The following UGGT2 variants were observed in gnomAD, a reference collection of about 807,000 sequenced individuals.
UGGT2 encodes UDP-glucose glycoprotein glucosyltransferase 2.
A neutral mutation model predicts 192.1 loss-of-function variants in UGGT2; 180 were observed. That is an observed-to-expected ratio of 0.94 (90% CI 0.83 to 1.06). The LOEUF (loss-of-function observed/expected upper bound fraction) is 1.06. Among genes scored for constraint, UGGT2 ranks in the 50% least tolerant of loss-of-function variants. The pLI is 0.00. For missense variants in UGGT2, 1,849 were observed against 1,795.7 expected (o/e 1.03, Z -0.54); for synonymous variants, 580 against 591.0 (o/e 0.98, Z 0.27).
chr13:96,023,554 T>C (rs2052576900), intron 3 of UGGT2, 75 bp downstream of exon 3: 5 of 1,426,860 alleles, frequency 3.5e-6, no homozygotes, highest in Non-Finnish European at 3.7e-6. Flanking sequence ...GAACTAAAGA[T>C]GTTCATATTA....
chr13:95,998,954 A>G (rs768562063), intron 6 of UGGT2, among the ~76,000 whole-genome samples: 12 of 152,172 alleles, frequency 7.9e-5, no homozygotes, highest in Non-Finnish European at 1.8e-4. Context: ...TGGTGCTGAA[A>G]TGGTTGGGAG....
chr13:95,975,597 T>C (rs1439654798), intron 10 of UGGT2, among the ~76,000 whole-genome samples: 1 of 152,182 alleles, frequency 6.6e-6, no homozygotes, highest in African/African-American at 2.4e-5. Flanking sequence ...TGAAGAAATA[T>C]AAGCTCATTT....
chr13:95,833,709 T>C (rs193035259), intron 37 of UGGT2, among the ~76,000 whole-genome samples: 18 of 152,262 alleles, frequency 1.2e-4, no homozygotes, highest in Admixed American at 9.8e-4. Context: ...TGCTGATATA[T>C]TGGACGTGAG....
At position 95,887,379 on chromosome 13, in the gene UGGT2, A is replaced by G. The variant is rs189525414; in HGVS notation, c.3038+513T>C. 17 of 478,790 alleles carry G rather than the reference A, an allele frequency of 3.6e-5. No individual in the cohort carries two copies. In the East Asian group the frequency reaches 5.9e-4, roughly 17 times the overall value. The allele number at this position is 478,790 out of a possible 1,614,324, so 29.7% of individuals were successfully genotyped here. A position where few individuals can be genotyped will look rare whatever the true frequency, so the allele number is the denominator to read the frequency against. On this transcript the variant is annotated intron_variant, in intron 26 of 38. Transcript: ENST00000376747. ...CTGATCCACAAAGAAGAGAAAGGGT[A>G]TATTTTTGTCCCCTCTTGAGAGAGA...
intron 16 of UGGT2, among the ~76,000 whole-genome samples, chr13:95,938,098 C>T (rs191441405): frequency 1.1e-4 from 16 of 152,310 alleles, no homozygotes; most frequent in Non-Finnish European, 2.2e-4. Context: ...TGCCTTTCAC[C>T]TTCTGCCATG....
chr13:95,828,810 C>A (rs1886333960), intron 38 of UGGT2, among the ~76,000 whole-genome samples: 1 of 152,186 alleles, frequency 6.6e-6, no homozygotes, highest in Admixed American at 6.5e-5. Flanking sequence ...TCCTCCCTAA[C>A]TCAATTTATG....
intron 27 of UGGT2, among the ~76,000 whole-genome samples, chr13:95,882,204 G>A (rs1284095187): frequency 2.6e-5 from 4 of 152,144 alleles, no homozygotes; most frequent in African/African-American, 9.7e-5. Context: ...CACCATGCCC[G>A]GCCTAGCTTT....
At chr13:95,949,513 C>A in intron 12 of UGGT2, 59 bp from the exon 13 acceptor site, 4 of 1,360,248 alleles carry the variant, frequency 2.9e-6, no homozygotes, top group South Asian at 4.4e-5. Context: ...ATTTTCAAAG[C>A]CAGATTTTTA....
intron 29 of UGGT2, among the ~76,000 whole-genome samples, chr13:95,872,771 A>G (rs1338001764): frequency 2.0e-5 from 3 of 152,216 alleles, no homozygotes; most frequent in Non-Finnish European, 4.4e-5. Flanking sequence ...ATCTTTATGA[A>G]CTGTGTATGA....
intron 5 of UGGT2, among the ~76,000 whole-genome samples, chr13:96,003,726 G>C (rs2051880731): frequency 6.6e-6 from 1 of 152,160 alleles, no homozygotes; most frequent in African/African-American, 2.4e-5. Flanking sequence ...ACACAGGTCT[G>C]TCAGAATAAT....
chr13:95,990,129 C>T (rs546213887), intron 7 of UGGT2, 56 bp from the exon 8 acceptor site: 4 of 1,101,266 alleles, frequency 3.6e-6, no homozygotes, highest in Non-Finnish European at 5.1e-6. Context: ...AACCATTATA[C>T]AAACAGCATA....
chr13:95,847,684 G>A (rs1394837679), intron 36 of UGGT2, among the ~76,000 whole-genome samples: 4 of 152,124 alleles, frequency 2.6e-5, no homozygotes, highest in South Asian at 4.2e-4. Context: ...GGATGTACCC[G>A]TTTCTTTACT....
At chr13:95,960,305 G>A (rs951283326) in intron 12 of UGGT2, among the ~76,000 whole-genome samples, 15 of 152,238 alleles carry the variant, frequency 9.9e-5, no homozygotes, top group African/African-American at 3.6e-4. Context: ...AGCTCAGTGA[G>A]CTATAAGAGA....
chr13:95,962,448 GAA>G (rs2050428257), intron 12 of UGGT2, among the ~76,000 whole-genome samples: 1 of 152,018 alleles, frequency 6.6e-6, no homozygotes, highest in African/African-American at 2.4e-5. Flanking sequence ...AACCTTGGAG[GAA>G]ATGGATAAAT....
chr13:96,031,545 G>A (rs1048834939), intron 2 of UGGT2, among the ~76,000 whole-genome samples: 1 of 152,054 alleles, frequency 6.6e-6, no homozygotes, highest in Non-Finnish European at 1.5e-5. Context: ...TCTGACTCCT[G>A]GGCTCAAGCA....
At chr13:95,923,134 C>G (rs1337067520) in intron 20 of UGGT2, among the ~76,000 whole-genome samples, 1 of 152,142 alleles carries the variant, frequency 6.6e-6, no homozygotes, top group African/African-American at 2.4e-5. Context: ...TCACTGTAGT[C>G]TCAAACTCCT....
chr13:95,876,289 A>G (rs980746992), intron 29 of UGGT2, among the ~76,000 whole-genome samples: 1 of 152,236 alleles, frequency 6.6e-6, no homozygotes. Context: ...TCATTAAATG[A>G]TCAAAATATC....
intron 29 of UGGT2, among the ~76,000 whole-genome samples, chr13:95,869,593 C>A (rs1891042255): frequency 6.6e-6 from 1 of 152,156 alleles, no homozygotes. Flanking sequence ...ATACAACCAT[C>A]CTTTGAGGAA....
rs1457473360 is a variant in UGGT2, at chr13:95,928,950, C to T, written c.1978-1614G>A. 3.9e-5 allele frequency among the ~76,000 whole-genome samples: 6 copies of T among 152,274 alleles called. No homozygotes were observed. The East Asian group carries it at 5.8e-4, about 15-fold the overall frequency. ...GACTCCATCTGCAATCCCGGCACCTCGGGAGGCCGGGGCTGGCAGATCACT... is the reference window on the plus strand; with the variant it reads ...GACTCCATCTGCAATCCCGGCACCTTGGGAGGCCGGGGCTGGCAGATCACT... On this transcript the variant is annotated intron_variant, in intron 17 of 38. Transcript: ENST00000376747.
Sources: allele counts gnomAD v4.1 joint callset (sites outside exome capture counted in the v4.1 genomes callset), GRCh38; gene constraint gnomAD v4.1.1; transcripts MANE v1.5; gene names NCBI Gene and HGNC (gene_info 2026-07-23, HGNC 2026-07-21).